Variants in PCDHA7 observed in about 807,000 individuals in gnomAD.
PCDHA7 encodes the protein protocadherin alpha-7.
A neutral mutation model predicts 57.2 loss-of-function variants in PCDHA7; 37 were observed. That is an observed-to-expected ratio of 0.65 (90% CI 0.50 to 0.85). The LOEUF (loss-of-function observed/expected upper bound fraction) is 0.85, where lower values mean the gene tolerates loss of function less well. Ranked by LOEUF, PCDHA7 falls within the 40% of genes least tolerant of loss-of-function variation. The pLI is 0.00. For synonymous variants in PCDHA7, 553 were observed against 558.8 expected, an observed-to-expected ratio of 0.99 and a Z score of 0.15; for missense variants, 1,188 against 1,241.8, an observed-to-expected ratio of 0.96 and a Z score of 0.65.
intron 1 of PCDHA7, among the ~76,000 whole-genome samples, chr5:140,907,747 G>A (rs782672220): frequency 7.9e-5 from 12 of 152,172 alleles, no homozygotes; most frequent in Admixed American, 2.0e-4. Flanking sequence ...TGGCCACTTT[G>A]TTCATGGGCC....
At chr5:140,933,220 T>G (rs1179526168) in intron 1 of PCDHA7, among the ~76,000 whole-genome samples, 3 of 151,968 alleles carry the variant, frequency 2.0e-5, no homozygotes, top group African/African-American at 7.2e-5. Flanking sequence ...TCTGTTATAT[T>G]GCATTTATGA....
intron 3 of PCDHA7, 24 bp from the exon 4 acceptor site, chr5:141,009,603 G>A (rs1554262223): frequency 1.2e-6 from 2 of 1,608,568 alleles, no homozygotes; most frequent in African/African-American, 2.7e-5. Context: ...CCCTGTTAAT[G>A]ATTTGTAATG....
At chr5:140,849,605 C>G (rs1469942879) in intron 1 of PCDHA7, 1 of 1,598,466 alleles carries the variant, frequency 6.3e-7, no homozygotes, top group Non-Finnish European at 8.6e-7. Flanking sequence ...CAGTTATTGC[C>G]CTGATTAGTG....
At chr5:140,878,747 A>G (rs1371286502) in intron 1 of PCDHA7, among the ~76,000 whole-genome samples, 1 of 152,186 alleles carries the variant, frequency 6.6e-6, no homozygotes, top group Non-Finnish European at 1.5e-5. Context: ...ACTTTCTTAC[A>G]TATCTTTAGT....
chr5:140,883,090 T>A (rs550322124), intron 1 of PCDHA7: 1 of 1,614,020 alleles, frequency 6.2e-7, no homozygotes, highest in East Asian at 2.2e-5. Flanking sequence ...ATGGTACAAA[T>A]GGAGATATAG....
At chr5:140,882,332 G>A (rs782439110) in intron 1 of PCDHA7, 1 of 1,614,178 alleles carries the variant, frequency 6.2e-7, no homozygotes, top group Non-Finnish European at 8.5e-7. Flanking sequence ...TCTGATCCTC[G>A]CAGCCTGGGA....
At chr5:140,870,014 A>G (rs782103858) in intron 1 of PCDHA7, 3 of 1,613,612 alleles carry the variant, frequency 1.9e-6, no homozygotes, top group Non-Finnish European at 2.5e-6. Flanking sequence ...GTGAGGGTCA[A>G]TGGAACTTTA....
Position 140,856,846 on chromosome 5 carries a change from T to C in PCDHA7, c.2355+20108T>C. On this transcript the variant is annotated intron_variant, in intron 1 of 3. Coordinates refer to ENST00000525929, the MANE Select transcript of PCDHA7 (RefSeq NM_018910.3). Reference sequence around the variant, plus strand: ...CATTAGTAATACGGCTCAACGCTTCTGATTCGGATGAAGGAATAAACAAGG... The same window carrying C: ...CATTAGTAATACGGCTCAACGCTTCCGATTCGGATGAAGGAATAAACAAGG... 3.8e-6 allele frequency: 6 copies of C among 1,593,220 alleles called. 1 individual carries two copies. Among genetic ancestry groups the C allele is most frequent in the Non-Finnish European group, 5.2e-6 (6 of 1,163,214 alleles).
chr5:140,873,878 C>T (rs926010571), intron 1 of PCDHA7, among the ~76,000 whole-genome samples: 2 of 152,196 alleles, frequency 1.3e-5, no homozygotes, highest in African/African-American at 4.8e-5. Context: ...CCAGGCTGGT[C>T]TTGAACTCCT....
chr5:140,915,785 A>T (rs188846929), intron 1 of PCDHA7, among the ~76,000 whole-genome samples: 14 of 152,134 alleles, frequency 9.2e-5, no homozygotes, highest in Admixed American at 7.2e-4. Flanking sequence ...TGCTGTAACC[A>T]CTACCTGACT....
In PCDHA7 at chr5:140,857,592, A is replaced by G. The variant is rs782473553; in HGVS notation, c.2355+20854A>G. On this transcript the variant is annotated intron_variant, in intron 1 of 3. Coordinates refer to ENST00000525929, the MANE Select transcript of PCDHA7 (RefSeq NM_018910.3). ...GTGTCGGTGCACGCGGAGAGCGGCA[A>G]GGTGTACGCGCTGCAGCCGCTGGAC... 5 of 1,596,098 alleles carry G rather than the reference A, an allele frequency of 3.1e-6. No individual in the cohort carries two copies. In the African/African-American group the frequency reaches 6.7e-5, roughly 21 times the overall value.
At position 140,841,167 on chromosome 5, in the gene PCDHA7, G is replaced by A. The variant is rs1003651834; in HGVS notation, c.2355+4429G>A. On this transcript the variant is annotated intron_variant, in intron 1 of 3. Coordinates refer to ENST00000525929, the MANE Select transcript of PCDHA7 (RefSeq NM_018910.3). ...ATGTCGCTGTCTACCAAGAAGTTCTGGTTGGTCAATGTTCAAAGTCTTTTC... is the reference window on the plus strand; with the variant it reads ...ATGTCGCTGTCTACCAAGAAGTTCTAGTTGGTCAATGTTCAAAGTCTTTTC... 13 of 954,538 alleles carry A rather than the reference G, an allele frequency of 1.4e-5. 1 individual carries two copies. In the South Asian group the frequency reaches 1.6e-4, roughly 12 times the overall value. 59.1% of individuals were successfully genotyped at this position (954,538 alleles called of 1,614,324 possible). A position where few individuals can be genotyped will look rare whatever the true frequency, so the allele number is the denominator to read the frequency against.
At chr5:140,978,924 GA>G (rs781894146) in intron 1 of PCDHA7, 24 bp from the exon 2 acceptor site, 202 of 1,613,894 alleles carry the variant, frequency 1.3e-4, no homozygotes, top group Middle Eastern at 6.6e-4. Context: ...CATTTTAACA[GA>G]AAACTCTCTT....
chr5:140,863,074 A>G lies in PCDHA7; in HGVS notation c.2355+26336A>G, dbSNP rs142752367. ...GCACCCGTTCCACGTGGGGCTCTGC[A>G]CGGGCGAGATCAGCACGACGAGTAC... On this transcript the variant is annotated intron_variant, in intron 1 of 3. Transcript: ENST00000525929. The G allele has an allele frequency of 2.9e-3, 1,668 of 569,744 alleles. 11 individuals are homozygous for G. Among genetic ancestry groups the G allele is most frequent in the Middle Eastern group, 0.01 (34 of 3,390 alleles). The allele number at this position is 569,744 out of a possible 1,614,324, so 35.3% of individuals were successfully genotyped here.
intron 2 of PCDHA7, among the ~76,000 whole-genome samples, chr5:140,982,082 C>G (rs188673632): frequency 6.6e-6 from 1 of 152,276 alleles, no homozygotes; most frequent in Admixed American, 6.5e-5. Flanking sequence ...AGTAGAGAAC[C>G]TAGGAACAAG....
chr5:140,972,583 T>G (rs1445659828), intron 1 of PCDHA7, among the ~76,000 whole-genome samples: 1 of 152,088 alleles, frequency 6.6e-6, no homozygotes, highest in African/African-American at 2.4e-5. Flanking sequence ...TAGGGCAGAA[T>G]TTCTCTTTGG....
At chr5:140,884,530 G>A in intron 1 of PCDHA7, 1 of 1,614,062 alleles carries the variant, frequency 6.2e-7, no homozygotes, top group South Asian at 1.1e-5. Context: ...CGCAGCAGAG[G>A]CGGCCGAGGG....
At chr5:140,836,779 AT>A (rs2150269832) in intron 1 of PCDHA7, 41 bp downstream of exon 1, 6 of 1,482,480 alleles carry the variant, frequency 4.0e-6, no homozygotes, top group Non-Finnish European at 5.5e-6. Context: ...TTTTAAAACA[AT>A]TAGTTCAATT....
intron 3 of PCDHA7, among the ~76,000 whole-genome samples, chr5:140,982,794 CAT>C (rs1491349118): frequency 4.0e-5 from 6 of 150,946 alleles, no homozygotes; most frequent in Admixed American, 1.3e-4. Context: ...CGCATGTGTG[CAT>C]GTGTGTGTGT....
Sources: allele counts gnomAD v4.1 joint callset (sites outside exome capture counted in the v4.1 genomes callset), GRCh38; gene constraint gnomAD v4.1.1; transcripts MANE v1.5; gene names NCBI Gene and HGNC (gene_info 2026-07-23, HGNC 2026-07-21).